The following AUTS2 variants were observed in gnomAD, a reference collection of about 807,000 sequenced individuals.
The protein encoded by AUTS2 is autism susceptibility gene 2 protein.
Under a neutral mutation model 112.4 loss-of-function variants are expected in AUTS2, and 17 were observed. The ratio of observed to expected loss-of-function variants is 0.15; its 90% CI spans 0.10 to 0.23. The LOEUF (loss-of-function observed/expected upper bound fraction) is 0.23, where lower values mean the gene tolerates loss of function less well. AUTS2 is among the 10% of genes least tolerant of loss of function. The pLI is 1.00. For synonymous variants in AUTS2, 751 were observed against 702.7 expected (o/e 1.07, Z -1.09); for missense variants, 1,510 against 1,701.6 (o/e 0.89, Z 1.98).
chr7:70,002,426 A>G (rs1799240642), intron 2 of AUTS2, among the ~76,000 whole-genome samples: 1 of 152,174 alleles, frequency 6.6e-6, no homozygotes, highest in Non-Finnish European at 1.5e-5. Context: ...CCTTGGCTCT[A>G]TCTTATCCAG....
At position 70,640,316 on chromosome 7, in the gene AUTS2, T is replaced by C. The variant is rs534952769; in HGVS notation, c.691-58253T>C. Among the ~76,000 whole-genome samples the C allele has an allele frequency of 1.6e-4, 24 of 151,324 alleles. 1 individual carries two copies. In the South Asian group the frequency reaches 3.8e-3, roughly 24 times the overall value. ...AGACAGGTTAGGATGAAACAGGAAA[T>C]TTTTCTTAGTAGTTATAAATCTCTC... On this transcript the variant is annotated intron_variant, in intron 5 of 18. Transcript: ENST00000342771.
intron 4 of AUTS2, among the ~76,000 whole-genome samples, chr7:70,367,647 A>T (rs1792645436): frequency 6.6e-6 from 1 of 152,176 alleles, no homozygotes; most frequent in African/African-American, 2.4e-5. Flanking sequence ...ATGTTCACTA[A>T]TGATGGCTAG....
intron 5 of AUTS2, among the ~76,000 whole-genome samples, chr7:70,568,315 A>G (rs1388750081): frequency 6.6e-6 from 1 of 152,182 alleles, no homozygotes; most frequent in Non-Finnish European, 1.5e-5. Flanking sequence ...TTCCTTAACC[A>G]TTCTGTATCT....
chr7:70,426,424 C>T (rs931566976), intron 4 of AUTS2, among the ~76,000 whole-genome samples: 1 of 152,192 alleles, frequency 6.6e-6, no homozygotes, highest in Admixed American at 6.6e-5. Context: ...CAAGCATGAT[C>T]CTTGTATTTT....
At chr7:69,721,180 ATCTC>A (rs1798912481) in intron 1 of AUTS2, among the ~76,000 whole-genome samples, 1 of 152,074 alleles carries the variant, frequency 6.6e-6, no homozygotes, top group Non-Finnish European at 1.5e-5. Flanking sequence ...GCCTCCCACA[ATCTC>A]TCTCTGATCT....
At chr7:70,619,134 C>G (rs11771374) in intron 5 of AUTS2, among the ~76,000 whole-genome samples, 50,632 of 151,964 alleles carry the variant, frequency 0.33, 8,898 homozygotes, top group South Asian at 0.53. Flanking sequence ...ACCTTCCCCC[C>G]CTCCCCATCC....
chr7:70,506,470 A>G (rs1798965827), intron 5 of AUTS2, among the ~76,000 whole-genome samples: 4 of 152,220 alleles, frequency 2.6e-5, no homozygotes, highest in Non-Finnish European at 5.9e-5. Context: ...GCAAGTGAAT[A>G]TGGCTAACTG....
intron 4 of AUTS2, among the ~76,000 whole-genome samples, chr7:70,261,255 T>G (rs534783689): frequency 2.0e-4 from 30 of 152,318 alleles, no homozygotes; most frequent in Non-Finnish European, 3.5e-4. Context: ...ATTCCACTTG[T>G]GTTAAATTCT....
chr7:70,274,976 A>G (rs939772996), intron 4 of AUTS2, among the ~76,000 whole-genome samples: 2 of 152,254 alleles, frequency 1.3e-5, no homozygotes, highest in Admixed American at 6.5e-5. Flanking sequence ...ATAGCTAAAA[A>G]GTGGAAACAG....
intron 1 of AUTS2, among the ~76,000 whole-genome samples, chr7:69,621,856 C>T (rs1793679486): frequency 6.6e-6 from 1 of 151,786 alleles, no homozygotes; most frequent in South Asian, 2.1e-4. Flanking sequence ...GAGCCATTCG[C>T]AGACTTTAGT....
chr7:69,669,364 GTATA>G (rs774395336), intron 1 of AUTS2, among the ~76,000 whole-genome samples: 2 of 151,360 alleles, frequency 1.3e-5, no homozygotes, highest in Non-Finnish European at 2.9e-5. Context: ...ATATGTGTGT[GTATA>G]TATATATAAG....
chr7:70,312,294 T>C (rs1562872034), intron 4 of AUTS2, among the ~76,000 whole-genome samples: 1 of 152,012 alleles, frequency 6.6e-6, no homozygotes, highest in Non-Finnish European at 1.5e-5. Flanking sequence ...TATTTTTTTC[T>C]TCTTTGGGTT....
chr7:69,960,897 T>C lies in AUTS2; in HGVS notation c.522+61399T>C, dbSNP rs542543949. On this transcript the variant is annotated intron_variant, in intron 2 of 18. Transcript: ENST00000342771. The stretch of plus-strand genomic sequence containing the variant: ...TCAACTTCTGTGTGTGGTATATTGA[T>C]TTGCACTTTTGGGATTTGTTGTTTT... Among the ~76,000 whole-genome samples, 4 of 152,250 alleles carry C rather than the reference T, an allele frequency of 2.6e-5. No homozygotes were observed. The South Asian group carries it at 6.2e-4, about 24-fold the overall frequency.
At chr7:69,683,198 C>G (rs992699722) in intron 1 of AUTS2, among the ~76,000 whole-genome samples, 5 of 152,192 alleles carry the variant, frequency 3.3e-5, no homozygotes, top group Admixed American at 2.0e-4. Flanking sequence ...AACTGGCCCT[C>G]CTATCCTAGT....
intron 2 of AUTS2, among the ~76,000 whole-genome samples, chr7:70,066,875 A>G (rs1051459837): frequency 2.0e-5 from 3 of 152,110 alleles, no homozygotes; most frequent in Non-Finnish European, 2.9e-5. Context: ...AAAGTTACTC[A>G]TTTTTACTTA....
At chr7:69,914,906 T>A (rs1795513306) in intron 2 of AUTS2, among the ~76,000 whole-genome samples, 1 of 152,206 alleles carries the variant, frequency 6.6e-6, no homozygotes, top group African/African-American at 2.4e-5. Context: ...TATTTCCTTT[T>A]AAAGTGGCCC....
At chr7:70,253,066 T>A (rs1786683907) in intron 4 of AUTS2, among the ~76,000 whole-genome samples, 1 of 152,164 alleles carries the variant, frequency 6.6e-6, no homozygotes, top group Non-Finnish European at 1.5e-5. Context: ...GAATTCCTAT[T>A]TTCCTAAGCA....
intron 2 of AUTS2, among the ~76,000 whole-genome samples, chr7:70,049,126 G>A (rs955647937): frequency 1.4e-4 from 21 of 152,116 alleles, no homozygotes; most frequent in Admixed American, 7.9e-4. Context: ...TAGTTAAATA[G>A]ACGACACTCC....
chr7:70,546,605 C>T (rs1230605224), intron 5 of AUTS2, among the ~76,000 whole-genome samples: 1 of 151,870 alleles, frequency 6.6e-6, no homozygotes, highest in Admixed American at 6.6e-5. Flanking sequence ...AGTGAAACCC[C>T]GTCTCTACTA....
Sources: allele counts gnomAD v4.1 joint callset (sites outside exome capture counted in the v4.1 genomes callset), GRCh38; gene constraint gnomAD v4.1.1; transcripts MANE v1.5; gene names NCBI Gene and HGNC (gene_info 2026-07-23, HGNC 2026-07-21).